The following GRM8 variants were observed in gnomAD, a reference collection of about 807,000 sequenced individuals.
GRM8 encodes glutamate metabotropic receptor 8.
Under a neutral mutation model 87.2 loss-of-function variants are expected in GRM8, and 47 were observed. That is an observed-to-expected ratio of 0.54 (90% CI 0.43 to 0.69). The LOEUF (loss-of-function observed/expected upper bound fraction) is 0.69, where lower values mean the gene tolerates loss of function less well. GRM8 is among the 30% of genes least tolerant of loss of function. GRM8 has a pLI of 0.00. For synonymous variants in GRM8, 396 were observed against 404.5 expected (o/e 0.98, Z 0.25); for missense variants, 1,019 against 1,139.2 (o/e 0.89, Z 1.52).
intron 7 of GRM8, among the ~76,000 whole-genome samples, chr7:126,650,015 C>T (rs1430609561): frequency 1.3e-5 from 2 of 152,206 alleles, no homozygotes; most frequent in Admixed American, 6.5e-5. Context: ...TAACTACTCT[C>T]CTTTTGAGAG....
intron 6 of GRM8, among the ~76,000 whole-genome samples, chr7:126,808,587 C>T (rs1257993554): frequency 6.6e-6 from 1 of 152,164 alleles, no homozygotes; most frequent in African/African-American, 2.4e-5. Context: ...AGCAAACATA[C>T]AACATAGGTG....
At chr7:126,853,209 T>C (rs1024945420) in intron 6 of GRM8, among the ~76,000 whole-genome samples, 4 of 152,226 alleles carry the variant, frequency 2.6e-5, no homozygotes, top group East Asian at 3.8e-4. Context: ...ATCAGACCAC[T>C]GGAGACAGTG....
In GRM8 at chr7:126,955,786, T is replaced by C. The variant is rs181940167; in HGVS notation, c.728-51103A>G. Reference sequence around the variant, plus strand: ...TGCATTACAGTGCTGCTTAATTGTATAGTGTTTAAAGAATATGTGGATCTC... The same window carrying C: ...TGCATTACAGTGCTGCTTAATTGTACAGTGTTTAAAGAATATGTGGATCTC... On this transcript the variant is annotated intron_variant, in intron 3 of 10. Coordinates refer to ENST00000339582, the MANE Select transcript of GRM8 (RefSeq NM_000845.3). Among the ~76,000 whole-genome samples, 685 of 152,314 alleles carry C rather than the reference T, an allele frequency of 4.5e-3. 4 individuals carry two copies. Among genetic ancestry groups the C allele is most frequent in the South Asian group, 0.015 (72 of 4,826 alleles).
intron 7 of GRM8, among the ~76,000 whole-genome samples, chr7:126,715,031 C>T (rs1811567607): frequency 6.6e-6 from 1 of 152,138 alleles, no homozygotes; most frequent in Non-Finnish European, 1.5e-5. Context: ...ATCTATGGTA[C>T]ATATCAAGCA....
At chr7:127,052,192 T>C (rs1819557682) in intron 3 of GRM8, among the ~76,000 whole-genome samples, 1 of 152,198 alleles carries the variant, frequency 6.6e-6, no homozygotes, top group Non-Finnish European at 1.5e-5. Context: ...CAGATTACTT[T>C]CTCTCTCTGG....
intron 8 of GRM8, among the ~76,000 whole-genome samples, chr7:126,571,321 C>T (rs938865939): frequency 2.4e-4 from 36 of 152,120 alleles, no homozygotes; most frequent in South Asian, 1.0e-3. Context: ...CAAAGGGAAC[C>T]CCATGGAGAC....
intron 8 of GRM8, among the ~76,000 whole-genome samples, chr7:126,593,191 A>C (rs1796855162): frequency 1.3e-5 from 2 of 152,042 alleles, no homozygotes; most frequent in South Asian, 4.1e-4. Flanking sequence ...TACACCAAGC[A>C]ATCTACAATT....
chr7:127,127,775 T>C (rs1056758140), intron 2 of GRM8, among the ~76,000 whole-genome samples: 1 of 152,090 alleles, frequency 6.6e-6, no homozygotes, highest in African/African-American at 2.4e-5. Context: ...TATTATTATA[T>C]GTAAGTTATT....
At chr7:126,812,002 T>C (rs1793345775) in intron 6 of GRM8, among the ~76,000 whole-genome samples, 1 of 151,824 alleles carries the variant, frequency 6.6e-6, no homozygotes, top group Non-Finnish European at 1.5e-5. Flanking sequence ...GGGGTGAAGA[T>C]GAAAAGTTAC....
At position 126,992,622 on chromosome 7, in the gene GRM8, T is replaced by G. The variant is rs796189337; in HGVS notation, c.728-87939A>C. Among the ~76,000 whole-genome samples, 8 of 152,286 alleles carry G rather than the reference T, an allele frequency of 5.3e-5. No individual in the cohort carries two copies. In the East Asian group the frequency reaches 7.7e-4, roughly 15 times the overall value. ...TAAAGAAAAATTAAATAAGGATATT[T>G]CTATGGAGTGAATTTTGTCCCCTTC... is the stretch of plus-strand genomic sequence containing the variant. On this transcript the variant is annotated intron_variant, in intron 3 of 10. Coordinates refer to ENST00000339582, the MANE Select transcript of GRM8 (RefSeq NM_000845.3).
At chr7:126,933,699 A>G (rs1805995019) in intron 3 of GRM8, among the ~76,000 whole-genome samples, 1 of 152,198 alleles carries the variant, frequency 6.6e-6, no homozygotes, top group African/African-American at 2.4e-5. Context: ...TGTATTTCAT[A>G]CCTCATAATG....
intron 3 of GRM8, among the ~76,000 whole-genome samples, chr7:127,075,272 T>C (rs1174756865): frequency 6.6e-6 from 1 of 152,166 alleles, no homozygotes; most frequent in Admixed American, 6.5e-5. Context: ...AGGTAACAAA[T>C]AGTGTTTTCC....
intron 7 of GRM8, among the ~76,000 whole-genome samples, chr7:126,615,814 A>C (rs1057043072): frequency 2.0e-5 from 3 of 152,226 alleles, no homozygotes; most frequent in Admixed American, 2.0e-4. Context: ...CAATTCAACA[A>C]GAAGAGCTAA....
intron 3 of GRM8, among the ~76,000 whole-genome samples, chr7:126,987,043 T>G (rs1812143062): frequency 6.6e-6 from 1 of 152,166 alleles, no homozygotes; most frequent in African/African-American, 2.4e-5. Flanking sequence ...AATGGCAAAG[T>G]CAGAATTTGA....
At chr7:126,680,089 C>T (rs946166763) in intron 7 of GRM8, among the ~76,000 whole-genome samples, 1 of 152,012 alleles carries the variant, frequency 6.6e-6, no homozygotes, top group African/African-American at 2.4e-5. Context: ...AGGCTCACCC[C>T]AGATTGCACA....
rs35530710 is a variant in GRM8 at position 127,182,632 on chromosome 7, G to GGTGTGTGT, written c.510+60055_510+60062dup. Among the ~76,000 whole-genome samples, 223 of 141,814 alleles carry GGTGTGTGT rather than the reference G, an allele frequency of 1.6e-3. 1 individual carries two copies. The highest frequency in any genetic ancestry group is 7.3e-3 in the East Asian group (34 of 4,638). 93.0% of individuals were successfully genotyped at this position (141,814 alleles called of 152,430 possible). ...ATCAATGAGTAGATAAAGAAAGTGT[G>GGTGTGTGT]GTGTGTGTGTGTGTGTGTGTGTGTG... is the stretch of plus-strand genomic sequence containing the variant. On this transcript the variant is annotated intron_variant, in intron 2 of 10. Transcript: ENST00000339582.
chr7:126,450,530 C>T (rs1403025995), intron 9 of GRM8, among the ~76,000 whole-genome samples: 2 of 151,840 alleles, frequency 1.3e-5, no homozygotes, highest in Non-Finnish European at 2.9e-5. Context: ...TCCTCATCTG[C>T]GTGTCTGCCA....
chr7:127,178,568 A>C (rs1004767236), intron 2 of GRM8, among the ~76,000 whole-genome samples: 1 of 152,220 alleles, frequency 6.6e-6, no homozygotes, highest in African/African-American at 2.4e-5. Flanking sequence ...TCCAAAGTTA[A>C]GAGGAAGGAA....
rs185963817 is a variant in GRM8, at chr7:126,603,785, T to A, written c.1494+5577A>T. 1.3e-3 allele frequency among the ~76,000 whole-genome samples: 202 copies of A among 152,142 alleles called. 1 individual carries two copies. The highest frequency in any genetic ancestry group is 0.011 in the Admixed American group (170 of 15,244). On this transcript the variant is annotated intron_variant, in intron 8 of 10. Coordinates refer to ENST00000339582, the MANE Select transcript of GRM8 (RefSeq NM_000845.3). ...TATATATGTATCATAGGAAAGAGCA[T>A]TTTCACATGTAAGCAACTTTGCAAA...
Sources: allele counts gnomAD v4.1 joint callset (sites outside exome capture counted in the v4.1 genomes callset), GRCh38; gene constraint gnomAD v4.1.1; transcripts MANE v1.5; gene names NCBI Gene and HGNC (gene_info 2026-07-23, HGNC 2026-07-21).